The following CPNE8 variants were observed in gnomAD, a reference collection of about 807,000 sequenced individuals.
CPNE8 encodes the protein copine-8.
In CPNE8, 45 loss-of-function variants were observed where a neutral mutation model predicts 81.5. That is an observed-to-expected ratio of 0.55 (90% CI 0.44 to 0.71). The LOEUF (loss-of-function observed/expected upper bound fraction) is 0.71. Among genes scored for constraint, CPNE8 ranks in the 30% least tolerant of loss-of-function variants. The probability of loss-of-function intolerance (pLI) is 0.00; values close to 1 mark genes in which losing one functional copy is unlikely to be tolerated. For synonymous variants in CPNE8, 252 were observed against 226.3 expected (o/e 1.11, Z -1.02); for missense variants, 594 against 672.1 (o/e 0.88, Z 1.28).
chr12:38,806,958 C>A (rs574164405), intron 6 of CPNE8, among the ~76,000 whole-genome samples: 9 of 150,264 alleles, frequency 6.0e-5, no homozygotes, highest in Non-Finnish European at 1.0e-4. Context: ...ACACCAACAA[C>A]AGACAAACAG....
intron 13 of CPNE8, among the ~76,000 whole-genome samples, chr12:38,709,376 C>A (rs1940190103): frequency 6.6e-6 from 1 of 152,206 alleles, no homozygotes; most frequent in Non-Finnish European, 1.5e-5. Flanking sequence ...GCATCCCATG[C>A]CCATGAACTA....
intron 1 of CPNE8, among the ~76,000 whole-genome samples, chr12:38,894,482 C>T (rs2137149752): frequency 6.6e-6 from 1 of 152,176 alleles, no homozygotes; most frequent in East Asian, 1.9e-4. Context: ...TTGTAATCAA[C>T]TTTCTAATAT....
At chr12:38,748,531 C>T (rs538980716) in intron 10 of CPNE8, among the ~76,000 whole-genome samples, 135 of 151,970 alleles carry the variant, frequency 8.9e-4, no homozygotes, top group African/African-American at 2.6e-3. Flanking sequence ...GACGGAGTCT[C>T]GCTCTGTCGC....
intron 6 of CPNE8, among the ~76,000 whole-genome samples, chr12:38,789,657 C>T (rs544256196): frequency 6.6e-6 from 1 of 151,590 alleles, no homozygotes; most frequent in Admixed American, 6.6e-5. Flanking sequence ...AGGGAAGAGA[C>T]AACCCACAGA....
At chr12:38,774,840 A>AG (rs1264018863) in intron 7 of CPNE8, among the ~76,000 whole-genome samples, 1 of 152,194 alleles carries the variant, frequency 6.6e-6, no homozygotes, top group African/African-American at 2.4e-5. Flanking sequence ...TGACATGCCC[A>AG]GGGGGACAAA....
intron 1 of CPNE8, among the ~76,000 whole-genome samples, chr12:38,903,188 T>C (rs1458577251): frequency 2.6e-5 from 4 of 152,226 alleles, no homozygotes; most frequent in African/African-American, 9.6e-5. Context: ...TTAATTATGT[T>C]TCTCTTTGCC....
At chr12:38,897,818 C>T (rs1592163219) in intron 1 of CPNE8, among the ~76,000 whole-genome samples, 1 of 152,138 alleles carries the variant, frequency 6.6e-6, no homozygotes, top group Non-Finnish European at 1.5e-5. Flanking sequence ...GAGTGCTTAA[C>T]TAATGTCACA....
intron 6 of CPNE8, among the ~76,000 whole-genome samples, chr12:38,798,667 C>G (rs1294527299): frequency 6.6e-6 from 1 of 151,738 alleles, no homozygotes; most frequent in Non-Finnish European, 1.5e-5. Flanking sequence ...GAGCTAACAT[C>G]ATAATGACAG....
At chr12:38,802,957 G>A (rs970078809) in intron 6 of CPNE8, among the ~76,000 whole-genome samples, 30 of 146,540 alleles carry the variant, frequency 2.0e-4, no homozygotes, top group South Asian at 6.8e-4. Context: ...ACTAAACCAG[G>A]AAGAAGTTGA....
At chr12:38,697,218 C>T (rs972684140) in intron 14 of CPNE8, among the ~76,000 whole-genome samples, 10 of 152,148 alleles carry the variant, frequency 6.6e-5, no homozygotes, top group African/African-American at 2.4e-4. Context: ...GTCTTTTTGT[C>T]TCCATTGATT....
chr12:38,790,332 C>A (rs1277186491), intron 6 of CPNE8, among the ~76,000 whole-genome samples: 1 of 151,504 alleles, frequency 6.6e-6, no homozygotes, highest in African/African-American at 2.4e-5. Context: ...GTAAAGTAAG[C>A]CAGGCACAGA....
At chr12:38,867,339 T>TGTGTGTGTGTGA (rs942285728) in intron 3 of CPNE8, among the ~76,000 whole-genome samples, 48 of 122,092 alleles carry the variant, frequency 3.9e-4, no homozygotes, top group African/African-American at 1.5e-3. Context: ...TGTGTGTGTG[T>TGTGTGTGTGTGA]GAGAGAGAGA....
intron 10 of CPNE8, among the ~76,000 whole-genome samples, chr12:38,747,352 A>C (rs527637294): frequency 6.6e-6 from 1 of 152,274 alleles, no homozygotes; most frequent in South Asian, 2.1e-4. Context: ...TGGATTATGA[A>C]TTTAAGTTAT....
chr12:38,874,308 C>T (rs1385025108), intron 2 of CPNE8, among the ~76,000 whole-genome samples, 163 bp downstream of exon 2: 1 of 152,108 alleles, frequency 6.6e-6, no homozygotes, highest in Non-Finnish European at 1.5e-5. Context: ...GCAAGTCCCT[C>T]TTTACCCACA....
chr12:38,798,730 TC>T (rs1942570610), intron 6 of CPNE8, among the ~76,000 whole-genome samples: 1 of 151,892 alleles, frequency 6.6e-6, no homozygotes, highest in Non-Finnish European at 1.5e-5. Flanking sequence ...GACTAAATGC[TC>T]CAATTGAAAG....
intron 5 of CPNE8, among the ~76,000 whole-genome samples, chr12:38,833,919 AT>A (rs1943340919): frequency 6.6e-6 from 1 of 152,226 alleles, no homozygotes; most frequent in African/African-American, 2.4e-5. Flanking sequence ...GGGCAGAAGC[AT>A]TACAGATAGG....
chr12:38,873,066 A>C lies in CPNE8; in HGVS notation c.140-16T>G. The C allele has an allele frequency of 6.8e-7, 1 of 1,460,162 alleles. No individual in the cohort carries two copies. The highest frequency in any genetic ancestry group is 9.5e-7 in the Non-Finnish European group (1 of 1,048,144). 90.5% of individuals were successfully genotyped at this position (1,460,162 alleles called of 1,614,324 possible). A position where few individuals can be genotyped will look rare whatever the true frequency, so the allele number is the denominator to read the frequency against. On this transcript the variant is annotated splice_polypyrimidine_tract_variant and intron_variant, in intron 2 of 19. Transcript: ENST00000331366. Reference sequence around the variant, plus strand: ...AAGACACAAACTACAAAAGATGAAAAAATACGCACATATAAATGTCTTTTA... The same window carrying C: ...AAGACACAAACTACAAAAGATGAAACAATACGCACATATAAATGTCTTTTA...
At chr12:38,880,255 A>G (rs1944133072) in intron 1 of CPNE8, among the ~76,000 whole-genome samples, 1 of 152,298 alleles carries the variant, frequency 6.6e-6, no homozygotes, top group African/African-American at 2.4e-5. Context: ...CCTTTTATTT[A>G]TCTATTTTTC....
chr12:38,863,291 G>C (rs1236129596), intron 3 of CPNE8, among the ~76,000 whole-genome samples: 1 of 152,184 alleles, frequency 6.6e-6, no homozygotes, highest in Non-Finnish European at 1.5e-5. Context: ...AATTGAAATT[G>C]TAAGTAGACA....
Sources: gnomAD v4.1 joint callset for allele counts (sites outside exome capture counted in the v4.1 genomes callset) on GRCh38, gnomAD v4.1.1 for gene constraint, MANE v1.5 for transcripts, NCBI Gene and HGNC (gene_info 2026-07-23, HGNC 2026-07-21) for gene names.